The following ARPC5L variants were observed in gnomAD, a reference collection of about 807,000 sequenced individuals.
ARPC5L encodes the protein actin related protein 2/3 complex subunit 5 like.
In ARPC5L, 4 loss-of-function variants were observed where a neutral mutation model predicts 16.9. That is an observed-to-expected ratio of 0.24 (90% CI 0.12 to 0.54). The LOEUF is 0.54. Ranked by LOEUF, ARPC5L falls within the 20% of genes least tolerant of loss-of-function variation. The pLI is 0.95. For synonymous variants in ARPC5L, 78 were observed against 82.6 expected (o/e 0.94, Z 0.30); for missense variants, 151 against 201.9 (o/e 0.75, Z 1.53).
chr9:124,870,945 T>G (rs751348866), intron 3 of ARPC5L, among the ~76,000 whole-genome samples: 2 of 152,184 alleles, frequency 1.3e-5, no homozygotes, highest in Non-Finnish European at 2.9e-5. Context: ...CATGGCAGCG[T>G]CAGAAGCGTC....
chr9:124,869,628 C>A (rs1031582511), intron 3 of ARPC5L, among the ~76,000 whole-genome samples, 189 bp downstream of exon 3: 1 of 152,306 alleles, frequency 6.6e-6, no homozygotes, highest in East Asian at 1.9e-4. Flanking sequence ...CTCCCTGGGT[C>A]CCTCGTCCCC....
At chr9:124,876,162 A>G (rs1210577537) in intron 5 of ARPC5L, among the ~76,000 whole-genome samples, 1 of 152,216 alleles carries the variant, frequency 6.6e-6, no homozygotes, top group Non-Finnish European at 1.5e-5. Context: ...AGAACAGCCC[A>G]GGCAATGTAG....
At chr9:124,865,202 A>G (rs4838230) in intron 2 of ARPC5L, among the ~76,000 whole-genome samples, 90,045 of 150,664 alleles carry the variant, frequency 0.6, 27,244 homozygotes, top group African/African-American at 0.64. Flanking sequence ...CTGTAATCCC[A>G]GCTACTCTGG....
At chr9:124,867,368 T>C (rs1390776957) in intron 2 of ARPC5L, among the ~76,000 whole-genome samples, 1 of 152,156 alleles carries the variant, frequency 6.6e-6, no homozygotes, top group Non-Finnish European at 1.5e-5. Context: ...CTCGAATTCC[T>C]GACCTCAGGT....
Position 124,868,596 on chromosome 9 carries a change from T to C in ARPC5L, c.-695T>C, listed in dbSNP as rs1829303442. 6.6e-6 allele frequency: 1 copy of C among 152,274 alleles called. No homozygotes were observed. Among genetic ancestry groups the C allele is most frequent in the Non-Finnish European group, 1.5e-5 (1 of 68,060 alleles). 9.4% of individuals were successfully genotyped at this position (152,274 alleles called of 1,614,324 possible). A position where few individuals can be genotyped will look rare whatever the true frequency, so the allele number is the denominator to read the frequency against. ...CCCTCGAGTCACAACGTCTTCAACG[T>C]CTTGTCAGTCCCGTGATCGCACTAA... On this transcript the variant is annotated 5_prime_UTR_variant, in exon 3 of 6. Transcript: ENST00000353214.
intron 4 of ARPC5L, 133 bp downstream of exon 4, chr9:124,873,897 CT>C: frequency 1.0e-6 from 1 of 979,738 alleles, no homozygotes; most frequent in Non-Finnish European, 1.6e-6. Flanking sequence ...CCAGGGAAGC[CT>C]CCTGGCGCTC....
rs1829396745 is a variant in ARPC5L, at chr9:124,873,860, GGAGT to G, written c.222+101_222+104del. 1.2e-5 allele frequency: 17 copies of G among 1,472,464 alleles called. No homozygotes were observed. In the South Asian group the frequency reaches 1.6e-4, roughly 14 times the overall value. The allele number at this position is 1,472,464 out of a possible 1,614,324, so 91.2% of individuals were successfully genotyped here. A position where few individuals can be genotyped will look rare whatever the true frequency, so the allele number is the denominator to read the frequency against. ...GTGTGAGCTTTCATCCACATCAGAG[GGAGT>G]GAGTTGGCACTGGGCGGGGCTTCCA... On this transcript the variant is annotated intron_variant, in intron 4 of 5. Coordinates refer to ENST00000353214, the MANE Select transcript of ARPC5L (RefSeq NM_030978.3).
At chr9:124,864,620 C>T (rs527442998) in intron 2 of ARPC5L, among the ~76,000 whole-genome samples, 31 of 152,244 alleles carry the variant, frequency 2.0e-4, no homozygotes, top group Admixed American at 1.8e-3. Context: ...CCTTGTGATC[C>T]GCCTGCCTTG....
intron 1 of ARPC5L, among the ~76,000 whole-genome samples, chr9:124,863,595 G>A (rs1159507537): frequency 1.3e-5 from 2 of 152,168 alleles, no homozygotes; most frequent in African/African-American, 4.8e-5. Flanking sequence ...AGAATTAGAG[G>A]AGATATCTGT....
intron 3 of ARPC5L, 119 bp from the exon 4 acceptor site, chr9:124,873,573 G>A (rs1232757047): frequency 4.4e-6 from 5 of 1,134,752 alleles, no homozygotes; most frequent in African/African-American, 1.5e-5. Flanking sequence ...AGCCGTGGAA[G>A]GTGGGTGGTA....
At chr9:124,865,315 TAAAAAAAAAAAAA>T (rs11414499) in intron 2 of ARPC5L, among the ~76,000 whole-genome samples, 1 of 107,062 alleles carries the variant, frequency 9.3e-6, no homozygotes, top group African/African-American at 3.7e-5. Flanking sequence ...AAACTCTGTC[TAAAAAAAAAAAAA>T]AAAAAAAAGG....
intron 3 of ARPC5L, among the ~76,000 whole-genome samples, chr9:124,871,255 T>A (rs1269992163): frequency 6.6e-6 from 1 of 152,224 alleles, no homozygotes; most frequent in Non-Finnish European, 1.5e-5. Context: ...GGAACCCGGC[T>A]GTGCATCTGC....
chr9:124,876,486 C>A (rs1337623307), intron 5 of ARPC5L, among the ~76,000 whole-genome samples: 1 of 151,754 alleles, frequency 6.6e-6, no homozygotes, highest in Non-Finnish European at 1.5e-5. Flanking sequence ...AACTCCGTCT[C>A]AAAAAAAATA....
At chr9:124,865,264 C>G (rs1485956885) in intron 2 of ARPC5L, among the ~76,000 whole-genome samples, 1 of 138,460 alleles carries the variant, frequency 7.2e-6, no homozygotes, top group Non-Finnish European at 1.5e-5. Context: ...TGCAGTGAGC[C>G]GAGATCGGGC....
At chr9:124,868,167 G>C (rs1001267089) in intron 2 of ARPC5L, among the ~76,000 whole-genome samples, 3 of 151,994 alleles carry the variant, frequency 2.0e-5, no homozygotes, top group African/African-American at 7.3e-5. Context: ...TCATAGTCTG[G>C]CAATATTTTT....
At chr9:124,865,243 G>A (rs1564310297) in intron 2 of ARPC5L, among the ~76,000 whole-genome samples, 1 of 146,658 alleles carries the variant, frequency 6.8e-6, no homozygotes, top group African/African-American at 2.5e-5. Context: ...CTTGAACCCA[G>A]AGGCAGAGGT....
At chr9:124,865,948 T>C (rs765922518) in intron 2 of ARPC5L, among the ~76,000 whole-genome samples, 1 of 148,596 alleles carries the variant, frequency 6.7e-6, no homozygotes, top group Non-Finnish European at 1.5e-5. Flanking sequence ...CTACTAAAAA[T>C]ATAAAAATTA....
At chr9:124,868,194 G>A (rs1829298205) in intron 2 of ARPC5L, among the ~76,000 whole-genome samples, 1 of 152,022 alleles carries the variant, frequency 6.6e-6, no homozygotes, top group African/African-American at 2.4e-5. Context: ...TTTAGACACA[G>A]TTCAATGAGA....
Position 124,873,784 on chromosome 9 carries a change from G to A in ARPC5L, c.222+20G>A. ...GTGAAGGTAAAGGGGTGGCGCTGCG[G>A]CTCTGCTGGGTGCTGTTGGGACCAG... On this transcript the variant is annotated intron_variant, in intron 4 of 5. Coordinates refer to ENST00000353214, the MANE Select transcript of ARPC5L (RefSeq NM_030978.3). 6.2e-7 allele frequency: 1 copy of A among 1,613,952 alleles called. No homozygotes were observed. Among genetic ancestry groups the A allele is most frequent in the Non-Finnish European group, 8.5e-7 (1 of 1,179,952 alleles).
Sources: allele counts gnomAD v4.1 joint callset (sites outside exome capture counted in the v4.1 genomes callset), GRCh38; gene constraint gnomAD v4.1.1; transcripts MANE v1.5; gene names NCBI Gene and HGNC (gene_info 2026-07-23, HGNC 2026-07-21).